The following MND1 variants were observed in gnomAD, a reference collection of about 807,000 sequenced individuals.
MND1 encodes meiotic nuclear division protein 1 homolog.
MND1 carries 28 observed loss-of-function variants against 35.1 expected under a neutral mutation model. The observed-to-expected ratio is 0.80, with a 90% CI of 0.59 to 1.09. The LOEUF is 1.09. MND1 is among the 50% of genes least tolerant of loss of function. The probability of loss-of-function intolerance (pLI) is 0.00; values close to 1 mark genes in which losing one functional copy is unlikely to be tolerated. For synonymous variants in MND1, 69 were observed against 70.5 expected, an observed-to-expected ratio of 0.98 and a Z score of 0.11; for missense variants, 213 against 239.6, an observed-to-expected ratio of 0.89 and a Z score of 0.73.
intron 4 of MND1, among the ~76,000 whole-genome samples, chr4:153,380,878 T>C (rs1239659154): frequency 2.0e-5 from 3 of 151,804 alleles, no homozygotes; most frequent in Non-Finnish European, 4.4e-5. Context: ...TTATATGAAT[T>C]TGTGTGGTAT....
chr4:153,398,820 CAGTG>C (rs1335066600), intron 6 of MND1, among the ~76,000 whole-genome samples: 3 of 152,350 alleles, frequency 2.0e-5, no homozygotes, highest in Admixed American at 1.3e-4. Flanking sequence ...AGGTGATCCT[CAGTG>C]AGCACAAGCA....
At chr4:153,367,443 A>G (rs1299288101) in intron 4 of MND1, among the ~76,000 whole-genome samples, 2 of 152,162 alleles carry the variant, frequency 1.3e-5, no homozygotes, top group Non-Finnish European at 2.9e-5. Context: ...TTCCCTTGTC[A>G]TAGTATTTTC....
At chr4:153,409,524 G>A (rs1729622584) in intron 7 of MND1, among the ~76,000 whole-genome samples, 1 of 152,060 alleles carries the variant, frequency 6.6e-6, no homozygotes, top group Admixed American at 6.6e-5. Context: ...ACCCTCAGGA[G>A]TCCAAGGCCA....
At chr4:153,376,471 T>G (rs1234637503) in intron 4 of MND1, among the ~76,000 whole-genome samples, 1 of 152,180 alleles carries the variant, frequency 6.6e-6, no homozygotes, top group African/African-American at 2.4e-5. Context: ...AAAGAACAAT[T>G]CAACTTCAAG....
chr4:153,397,258 C>T lies in MND1; in HGVS notation c.391C>T (p.Arg131Ter), dbSNP rs777485668. The T allele has an allele frequency of 8.7e-6, 14 of 1,612,022 alleles. No homozygotes were observed. In the African/African-American group the frequency reaches 1.7e-4, roughly 20 times the overall value. ...GCTAGCAAAAGAGCTTTCTTCACTT[C>T]GAGACCAAAGGGAACAGCTAAAGGC... ...TRLAKELSSL[R>*]DQREQLKAEV... is the part of the protein sequence containing the mutation. Residue 131 changes from arginine (R) to a stop codon, truncating the protein, a stop_gained, in exon 6 of 8, where the codon CGA (arginine) becomes TGA (stop). Transcript: ENST00000240488. LOFTEE classifies it high-confidence loss of function.
intron 7 of MND1, among the ~76,000 whole-genome samples, chr4:153,414,385 G>T (rs1020847423): frequency 1.3e-5 from 2 of 151,542 alleles, no homozygotes; most frequent in African/African-American, 4.9e-5. Context: ...AGGTTCAAAC[G>T]ATTCTCCTGC....
chr4:153,394,295 C>T lies in MND1; in HGVS notation c.310C>T (p.Gln104Ter), dbSNP rs1362612803. 3 of 1,612,502 alleles carry T rather than the reference C, an allele frequency of 1.9e-6. No homozygotes were observed. The highest frequency in any genetic ancestry group is 2.5e-6 in the Non-Finnish European group (3 of 1,179,084). ...SEGSQKHASL[Q>*]KSIEKAKIGR... is the part of the protein sequence containing the mutation. ...GGGAAGTCAAAAGCATGCAAGCCTA[C>T]AGAAAAGCATTGAGAAAGCTAAAAT... Residue 104 changes from glutamine to a stop codon, truncating the protein, a stop_gained, in exon 5 of 8, where the codon CAG (glutamine) becomes TAG (stop). Coordinates refer to ENST00000240488, the MANE Select transcript of MND1 (RefSeq NM_032117.4). LOFTEE classifies it high-confidence loss of function.
chr4:153,382,995 T>C (rs978499255), intron 4 of MND1, among the ~76,000 whole-genome samples: 1 of 152,036 alleles, frequency 6.6e-6, no homozygotes, highest in Admixed American at 6.6e-5. Flanking sequence ...GGAAAAAAAA[T>C]AGGAAAAAAG....
intron 4 of MND1, among the ~76,000 whole-genome samples, chr4:153,389,349 TTTTATTTA>T (rs535399764): frequency 7.9e-5 from 12 of 151,992 alleles, no homozygotes; most frequent in East Asian, 1.9e-4. Context: ...GTAAATACCT[TTTTATTTA>T]TTTATTTATT....
At chr4:153,357,089 C>T (rs1317305509) in intron 3 of MND1, among the ~76,000 whole-genome samples, 1 of 152,192 alleles carries the variant, frequency 6.6e-6, no homozygotes, top group Admixed American at 6.5e-5. Flanking sequence ...TCCCAAAGTG[C>T]TGGGATTACA....
At chr4:153,356,747 G>A (rs1421846310) in intron 3 of MND1, among the ~76,000 whole-genome samples, 1 of 151,458 alleles carries the variant, frequency 6.6e-6, no homozygotes, top group Admixed American at 6.6e-5. Context: ...TATTAATGGG[G>A]TTGAACATTT....
At chr4:153,391,857 C>T (rs1729049193) in intron 4 of MND1, among the ~76,000 whole-genome samples, 1 of 151,848 alleles carries the variant, frequency 6.6e-6, no homozygotes, top group South Asian at 2.1e-4. Flanking sequence ...CTGGCATTAT[C>T]TATAGATCTT....
intron 4 of MND1, among the ~76,000 whole-genome samples, chr4:153,382,630 C>T (rs567050215): frequency 6.6e-6 from 1 of 152,130 alleles, no homozygotes; most frequent in Non-Finnish European, 1.5e-5. Flanking sequence ...TTATTTTAAC[C>T]TGATCTAAAT....
intron 1 of MND1, among the ~76,000 whole-genome samples, chr4:153,346,011 T>C (rs961370544): frequency 3.9e-5 from 6 of 152,242 alleles, no homozygotes; most frequent in Admixed American, 1.3e-4. Flanking sequence ...GTTAACTCTT[T>C]AGAAGCTTAC....
rs1340001636 is a variant in MND1 at position 153,397,322 on chromosome 4, T to G, written c.455T>G (p.Val152Gly). ...EKYKDCDPQVVEEIRQANKVA... is the reference protein window; with the variant it reads ...EKYKDCDPQVGEEIRQANKVA... ...TACAAAGACTGTGATCCGCAAGTTG[T>G]GGAAGAAATACGTAAGTTTGTGTCA... The change falls in exon 6 of 8, where the codon GTG (valine) becomes GGG (glycine). Residue 152 changes from valine to glycine, a missense_variant. Val to Gly is a moderately radical substitution (Grantham distance 109, BLOSUM62 -3). Coordinates refer to ENST00000240488, the MANE Select transcript of MND1 (RefSeq NM_032117.4). The G allele has an allele frequency of 6.2e-7, 1 of 1,610,220 alleles. No homozygotes were observed. The highest frequency in any genetic ancestry group is 1.3e-5 in the African/African-American group (1 of 74,860).
chr4:153,400,517 A>G (rs552711937), intron 6 of MND1, among the ~76,000 whole-genome samples: 34 of 152,094 alleles, frequency 2.2e-4, no homozygotes, highest in African/African-American at 5.3e-4. Flanking sequence ...GTGAGACCCT[A>G]TCTCTACAAA....
At chr4:153,389,164 A>G (rs1382554125) in intron 4 of MND1, among the ~76,000 whole-genome samples, 2 of 152,156 alleles carry the variant, frequency 1.3e-5, no homozygotes, top group African/African-American at 2.4e-5. Context: ...CGGGTTCTCA[A>G]TCTAGTCCTT....
chr4:153,395,587 A>C (rs941929750), intron 5 of MND1, among the ~76,000 whole-genome samples: 12 of 152,192 alleles, frequency 7.9e-5, no homozygotes, highest in Non-Finnish European at 1.3e-4. Context: ...CTGCTGGTAA[A>C]GAAGAAAAAT....
At chr4:153,405,664 C>T (rs1046410193) in intron 6 of MND1, among the ~76,000 whole-genome samples, 1 of 152,134 alleles carries the variant, frequency 6.6e-6, no homozygotes, top group African/African-American at 2.4e-5. Flanking sequence ...ATGTTTTTAG[C>T]TCATGGTATT....
Sources: allele counts gnomAD v4.1 joint callset (sites outside exome capture counted in the v4.1 genomes callset), GRCh38; gene constraint gnomAD v4.1.1; transcripts MANE v1.5; gene names NCBI Gene and HGNC (gene_info 2026-07-23, HGNC 2026-07-21).